The following CLSPN variants were observed in gnomAD, a reference collection of about 807,000 sequenced individuals.
CLSPN encodes claspin homolog.
A neutral mutation model predicts 156.3 loss-of-function variants in CLSPN; 85 were observed. The ratio of observed to expected loss-of-function variants is 0.54; its 90% CI spans 0.46 to 0.65. The LOEUF (loss-of-function observed/expected upper bound fraction) is 0.65. Among genes scored for constraint, CLSPN ranks in the 30% least tolerant of loss-of-function variants. The pLI, the probability that CLSPN is intolerant of heterozygous loss-of-function variation, is 0.00. For missense variants in CLSPN, 1,407 were observed against 1,554.9 expected (o/e 0.90, Z 1.60); for synonymous variants, 534 against 542.4 (o/e 0.98, Z 0.22).
chr1:35,748,162 C>A, intron 13 of CLSPN, 101 bp from the exon 14 acceptor site: 1 of 1,377,376 alleles, frequency 7.3e-7, no homozygotes, highest in Non-Finnish European at 9.9e-7. Context: ...TTAAGCTACT[C>A]TCAGGAAATT....
intron 24 of CLSPN, among the ~76,000 whole-genome samples, chr1:35,722,253 CTTTTTT>C (rs568124252): frequency 8.0e-6 from 1 of 124,652 alleles, no homozygotes. Flanking sequence ...CTAGTTATTC[CTTTTTT>C]TTTTTTTTTT....
At chr1:35,727,242 C>T (rs985679093), downstream of CLSPN, among the ~76,000 whole-genome samples, 5 of 152,156 alleles carry the variant, frequency 3.3e-5, no homozygotes, top group African/African-American at 7.2e-5. Context: ...TGAGAATGAG[C>T]AGGAGTGGCC....
chr1:35,741,664 A>T (rs887473376), intron 18 of CLSPN, among the ~76,000 whole-genome samples: 2 of 152,222 alleles, frequency 1.3e-5, no homozygotes, highest in Admixed American at 1.3e-4. Context: ...TCATGACCAG[A>T]ACAGCATATC....
At chr1:35,729,645 G>A (rs12077536), downstream of CLSPN, among the ~76,000 whole-genome samples, 48,144 of 151,940 alleles carry the variant, frequency 0.32, 11,501 homozygotes, top group East Asian at 0.77. Context: ...CCAGTTCACT[G>A]GAGTCCAGGC....
Position 35,746,237 on chromosome 1 carries a change from G to A in CLSPN, c.2854+529C>T, listed in dbSNP as rs929638234. 3.9e-5 allele frequency among the ~76,000 whole-genome samples: 6 copies of A among 152,024 alleles called. No homozygotes were observed. Among genetic ancestry groups the A allele is most frequent in the Non-Finnish European group, 7.4e-5 (5 of 68,014 alleles). On this transcript the variant is annotated intron_variant, in intron 15 of 24. Coordinates refer to ENST00000318121, the MANE Select transcript of CLSPN (RefSeq NM_022111.4). This position sits in a 1 kb window ranked among gnomAD's most constrained non-coding sequence, Gnocchi z 4.2. Reference sequence around the variant, plus strand: ...TGGGATTACAGGCGTGAGCCACTGCGCCCGGCCTAAAGTAGTCTTAAGTTG... The same window carrying A: ...TGGGATTACAGGCGTGAGCCACTGCACCCGGCCTAAAGTAGTCTTAAGTTG...
rs1240694697 is a variant in CLSPN, at chr1:35,760,677, T to C, written c.1244A>G (p.Gln415Arg). ...EELEIQEKQK[Q>R]SDIRPSPGDS... ...CCCAGGTGAAGGTCTAATGTCACTC[T>C]GCTTCTGTTTCTCCTGAATTTCTAG... is the stretch of plus-strand genomic sequence containing the variant. Residue 415 changes from glutamine (Q) to arginine (R), a missense_variant, in exon 8 of 25, where the codon CAG becomes CGG. Coordinates refer to ENST00000318121, the MANE Select transcript of CLSPN (RefSeq NM_022111.4). 6.2e-7 allele frequency: 1 copy of C among 1,614,220 alleles called. No homozygotes were observed. The highest frequency in any genetic ancestry group is 8.5e-7 in the Non-Finnish European group (1 of 1,180,024).
At chr1:35,721,227 C>T (rs1571178474) in intron 24 of CLSPN, among the ~76,000 whole-genome samples, 1 of 152,190 alleles carries the variant, frequency 6.6e-6, no homozygotes, top group Non-Finnish European at 1.5e-5. Context: ...TATTAGGTAA[C>T]AGTAACTCCC....
chr1:35,740,715 A>C (rs1641661724), intron 18 of CLSPN, among the ~76,000 whole-genome samples: 1 of 152,116 alleles, frequency 6.6e-6, no homozygotes, highest in Non-Finnish European at 1.5e-5. Context: ...CACCACGCCC[A>C]GCCTATACTG....
chr1:35,721,921 T>C (rs1254140013), intron 24 of CLSPN, among the ~76,000 whole-genome samples: 4 of 151,874 alleles, frequency 2.6e-5, no homozygotes, highest in Non-Finnish European at 5.9e-5. Flanking sequence ...GGCGGATCAC[T>C]TGAGGCTGGG....
chr1:35,736,525 G>A lies in CLSPN; in HGVS notation c.3991C>T (p.Arg1331Ter), dbSNP rs373647280. The change falls in exon 25 of 25, where the codon CGA becomes TGA. Residue 1331 changes from arginine (R) to a stop codon, truncating the protein, a stop_gained. Coordinates refer to ENST00000318121, the MANE Select transcript of CLSPN (RefSeq NM_022111.4). LOFTEE classifies it high-confidence loss of function. ...CTCTCCAAATATTTGAAGATGCTTC[G>A]CGTCAATCCTGAAGTGCTATCATCT... Reference protein sequence around the residue: ...KTDDSTSGLTRSIFKYLES With the variant: ...KTDDSTSGLT The A allele has an allele frequency of 1.0e-5, 16 of 1,606,966 alleles. No individual in the cohort carries two copies. Among genetic ancestry groups the A allele is most frequent in the African/African-American group, 1.3e-5 (1 of 74,582 alleles).
chr1:35,761,844 A>G (rs1356958934), intron 6 of CLSPN, among the ~76,000 whole-genome samples, 154 bp downstream of exon 6: 1 of 152,232 alleles, frequency 6.6e-6, no homozygotes, highest in African/African-American at 2.4e-5. Context: ...CAAGGGCTTT[A>G]GAACAATGGC....
In CLSPN at chr1:35,733,679, C is replaced by T; in HGVS notation, c.*2817G>A. The T allele has an allele frequency of 2.0e-6, 2 of 985,368 alleles. No individual in the cohort carries two copies. Among genetic ancestry groups the T allele is most frequent in the African/African-American group, 1.7e-5 (1 of 57,360 alleles). 61.0% of individuals were successfully genotyped at this position (985,368 alleles called of 1,614,324 possible). A position where few individuals can be genotyped will look rare whatever the true frequency, so the allele number is the denominator to read the frequency against. On this transcript the variant is annotated 3_prime_UTR_variant, in exon 25 of 25. Coordinates refer to ENST00000318121, the MANE Select transcript of CLSPN (RefSeq NM_022111.4). ...ATACAAACTTAGCTAAAGAGAAAGG[C>T]CAATCAAAGCTGTAACAGGCTGGGC...
At chr1:35,725,581 G>T (rs1641163614) in intron 24 of CLSPN, among the ~76,000 whole-genome samples, 1 of 151,998 alleles carries the variant, frequency 6.6e-6, no homozygotes, top group Admixed American at 6.6e-5. Context: ...CAGTAGGAGG[G>T]CACTGTATCA....
At position 35,732,821 on chromosome 1, in the gene CLSPN, T is replaced by C. The variant is rs1206950862; in HGVS notation, c.*3675A>G. On this transcript the variant is annotated 3_prime_UTR_variant, in exon 25 of 25. Transcript: ENST00000318121. ...ATATGGGTCAGATTGAAACTGTCCA[T>C]GTCAATCCTGTTACCAAGATCAAGG... The C allele has an allele frequency of 5.1e-6, 5 of 985,316 alleles. No individual in the cohort carries two copies. The East Asian group carries it at 4.5e-4, about 89-fold the overall frequency. The allele number at this position is 985,316 out of a possible 1,614,324, so 61.0% of individuals were successfully genotyped here.
chr1:35,762,461 C>G lies in CLSPN; in HGVS notation c.765G>C (p.Glu255Asp). Residue 255 changes from glutamate (E) to aspartate (D), a missense_variant, in exon 5 of 25, where the codon GAG (glutamate) becomes GAC (aspartate). This residue lies in a region of CLSPN where 1,096 missense variants were observed against 1,193.0 expected (regional missense o/e 0.92). Transcript: ENST00000318121. ...CTTCCTCAAATGAATGGACCCCACT[C>G]TCCAAAGATGGTTCTTTTTTCTAAA... ...KKHKKKEPSL[E>D]SGVHSFEEGS... 2 of 1,613,876 alleles carry G rather than the reference C, an allele frequency of 1.2e-6. No homozygotes were observed.
chr1:35,738,113 A>AAAAAATATAT lies in CLSPN; in HGVS notation c.3559-17_3559-16insATATATTTTT. The AAAAAATATAT allele has an allele frequency of 2.8e-6, 1 of 362,620 alleles. No individual in the cohort carries two copies. Among genetic ancestry groups the AAAAAATATAT allele is most frequent in the Non-Finnish European group, 3.7e-6 (1 of 271,574 alleles). 22.5% of individuals were successfully genotyped at this position (362,620 alleles called of 1,614,324 possible). On this transcript the variant is annotated splice_polypyrimidine_tract_variant and intron_variant, in intron 21 of 24. Coordinates refer to ENST00000318121, the MANE Select transcript of CLSPN (RefSeq NM_022111.4). The stretch of plus-strand genomic sequence containing the variant: ...CCTGCTGTGCCTGAAAAAAAAAAAA[A>AAAAAATATAT]ATATATATATATATATATATATATA...
rs1642610853 is a variant in CLSPN at position 35,764,690 on chromosome 1, C to T, written c.158G>A (p.Ser53Asn). The T allele has an allele frequency of 2.5e-6, 4 of 1,579,944 alleles. No homozygotes were observed. In the African/African-American group the frequency reaches 5.5e-5, roughly 22 times the overall value. Residue 53 changes from serine to asparagine, a missense_variant, in exon 3 of 25, where the codon AGT (serine) becomes AAT (asparagine). Around this residue, in one of 3 missense-constraint regions of CLSPN, gnomAD observed 1,096 missense variants for 1,193.0 expected, o/e 0.92. Transcript: ENST00000318121. ...AACCTTCCTGTTTTTCAACTTCTTA[C>T]TTACAAATATCTCTTCATCTGAATC... is the stretch of plus-strand genomic sequence containing the variant. ...EGDSDEEIFVSKKLKNRKVLQ... is the reference protein window; with the variant it reads ...EGDSDEEIFVNKKLKNRKVLQ...
At chr1:35,752,966 T>C (rs1219696038) in intron 9 of CLSPN, among the ~76,000 whole-genome samples, 5 of 152,222 alleles carry the variant, frequency 3.3e-5, no homozygotes, top group African/African-American at 1.2e-4. Context: ...TTTTTCAGTG[T>C]TTAAAACTGT....
intron 15 of CLSPN, 142 bp from the exon 16 acceptor site, chr1:35,745,704 T>A (rs1641856842): frequency 3.2e-6 from 2 of 629,802 alleles, no homozygotes; most frequent in Non-Finnish European, 5.6e-6. Context: ...ATTCAACAAA[T>A]CCTTATTTAG....
Sources: gnomAD v4.1 joint callset for allele counts (sites outside exome capture counted in the v4.1 genomes callset) on GRCh38, gnomAD v4.1.1 for gene constraint, gnomAD v4.1.1 regional missense constraint, Gnocchi (gnomAD v3.1) non-coding constraint, MANE v1.5 for transcripts, NCBI Gene and HGNC (gene_info 2026-07-23, HGNC 2026-07-21) for gene names.